The following SNTG1 variants were observed in gnomAD, a reference collection of about 807,000 sequenced individuals.
The protein encoded by SNTG1 is gamma-1-syntrophin.
In SNTG1, 39 loss-of-function variants were observed where a neutral mutation model predicts 74.7. That is an observed-to-expected ratio of 0.52 (90% CI 0.40 to 0.68). The LOEUF (loss-of-function observed/expected upper bound fraction) is 0.68. Ranked by LOEUF, SNTG1 falls within the 30% of genes least tolerant of loss-of-function variation. SNTG1 has a pLI of 0.00. For missense variants in SNTG1, 685 were observed against 609.5 expected (o/e 1.12, Z -1.30); for synonymous variants, 254 against 217.1 (o/e 1.17, Z -1.49).
At chr8:50,132,255 A>G (rs2081341578) in intron 1 of SNTG1, among the ~76,000 whole-genome samples, 2 of 152,160 alleles carry the variant, frequency 1.3e-5, no homozygotes, top group African/African-American at 4.8e-5. Flanking sequence ...TATATTCACC[A>G]TATCCCAACA....
At chr8:50,252,824 C>A (rs755984508) in intron 2 of SNTG1, among the ~76,000 whole-genome samples, 4 of 152,172 alleles carry the variant, frequency 2.6e-5, no homozygotes, top group Non-Finnish European at 4.4e-5. Context: ...TTGACAGTCA[C>A]ATTTCAACAT....
chr8:49,966,411 T>A (rs1452650136), intron 1 of SNTG1, among the ~76,000 whole-genome samples: 1 of 151,970 alleles, frequency 6.6e-6, no homozygotes, highest in African/African-American at 2.4e-5. Flanking sequence ...ATTTTTTTTT[T>A]TTTGACAGAG....
intron 1 of SNTG1, among the ~76,000 whole-genome samples, chr8:50,107,981 G>A (rs916076705): frequency 1.3e-5 from 2 of 152,182 alleles, no homozygotes; most frequent in African/African-American, 4.8e-5. Context: ...TTTGCCGTGA[G>A]CATTTCCCCA....
At chr8:50,559,670 C>A (rs2094475808) in intron 12 of SNTG1, among the ~76,000 whole-genome samples, 1 of 152,088 alleles carries the variant, frequency 6.6e-6, no homozygotes, top group Admixed American at 6.5e-5. Context: ...AACTGGCTAA[C>A]CATTTCTGGA....
intron 13 of SNTG1, among the ~76,000 whole-genome samples, chr8:50,619,680 G>A (rs1172660206): frequency 2.7e-5 from 4 of 148,366 alleles, no homozygotes; most frequent in East Asian, 4.0e-4. Context: ...GCAGTGAGCC[G>A]AGATCGTGCC....
At chr8:50,013,464 G>GAGAGAGAT (rs1816009179) in intron 1 of SNTG1, among the ~76,000 whole-genome samples, 3 of 148,414 alleles carry the variant, frequency 2.0e-5, no homozygotes, top group African/African-American at 7.5e-5. Context: ...TGGGGATAGA[G>GAGAGAGAT]AGATAGATAG....
chr8:50,516,783 T>C (rs1397267848), intron 9 of SNTG1, among the ~76,000 whole-genome samples: 2 of 152,086 alleles, frequency 1.3e-5, no homozygotes, highest in Non-Finnish European at 2.9e-5. Context: ...CTTCAAGAAA[T>C]ATGGGACTAT....
chr8:50,766,510 A>G (rs1466882767), intron 18 of SNTG1, among the ~76,000 whole-genome samples: 1 of 151,968 alleles, frequency 6.6e-6, no homozygotes, highest in Non-Finnish European at 1.5e-5. Context: ...ATGTTTGAGT[A>G]TTTAAGATTT....
intron 2 of SNTG1, among the ~76,000 whole-genome samples, chr8:50,235,418 C>G (rs1389337299): frequency 6.6e-6 from 1 of 152,108 alleles, no homozygotes. Flanking sequence ...ATTAATCATT[C>G]TGTATATATC....
At chr8:50,150,407 C>T (rs1234491033) in intron 1 of SNTG1, among the ~76,000 whole-genome samples, 2 of 152,136 alleles carry the variant, frequency 1.3e-5, no homozygotes, top group Non-Finnish European at 2.9e-5. Context: ...CCTGATTGCC[C>T]TGGCCAGAAC....
intron 15 of SNTG1, among the ~76,000 whole-genome samples, chr8:50,683,825 CATTTGATTTTATAAAG>C (rs529186445): frequency 2.6e-3 from 390 of 152,266 alleles, no homozygotes; most frequent in African/African-American, 8.8e-3. Flanking sequence ...TCATTTGCTT[CATTTGATTTTATAAAG>C]AGAAAGCTGA....
At chr8:50,581,550 G>A (rs2094609897) in intron 12 of SNTG1, among the ~76,000 whole-genome samples, 2 of 151,726 alleles carry the variant, frequency 1.3e-5, no homozygotes, top group Non-Finnish European at 2.9e-5. Flanking sequence ...TGTATGCATG[G>A]TATGAATTCT....
At chr8:49,929,346 G>A (rs1028485188) in intron 1 of SNTG1, among the ~76,000 whole-genome samples, 2 of 152,152 alleles carry the variant, frequency 1.3e-5, no homozygotes, top group African/African-American at 4.8e-5. Flanking sequence ...GCAGCCACTG[G>A]CCTCTTACTC....
chr8:50,721,304 G>A (rs2095487060), intron 17 of SNTG1, among the ~76,000 whole-genome samples: 1 of 152,152 alleles, frequency 6.6e-6, no homozygotes, highest in South Asian at 2.1e-4. Flanking sequence ...TAAAAAGTTA[G>A]GGCAAGCTTT....
At chr8:50,236,941 T>C (rs1206854374) in intron 2 of SNTG1, among the ~76,000 whole-genome samples, 5 of 152,284 alleles carry the variant, frequency 3.3e-5, no homozygotes, top group East Asian at 1.9e-4. Context: ...TCAGTGTGTG[T>C]ATCTAAAAAA....
At chr8:50,558,754 A>G (rs2094470797) in intron 12 of SNTG1, among the ~76,000 whole-genome samples, 1 of 152,124 alleles carries the variant, frequency 6.6e-6, no homozygotes, top group Admixed American at 6.5e-5. Context: ...AATAACTGCT[A>G]TTATACCTTG....
At chr8:50,024,483 A>T (rs1344478782) in intron 1 of SNTG1, among the ~76,000 whole-genome samples, 1 of 152,102 alleles carries the variant, frequency 6.6e-6, no homozygotes, top group East Asian at 1.9e-4. Context: ...GTTGTGTTTC[A>T]TTACTCTCAA....
chr8:50,464,480 G>A (rs1376388879), intron 8 of SNTG1, among the ~76,000 whole-genome samples: 1 of 152,118 alleles, frequency 6.6e-6, no homozygotes, highest in African/African-American at 2.4e-5. Context: ...GGAGTAGGAA[G>A]GCCTGCAGAG....
chr8:50,498,769 C>T (rs568405268), intron 8 of SNTG1, among the ~76,000 whole-genome samples: 6 of 151,924 alleles, frequency 3.9e-5, no homozygotes, highest in East Asian at 3.9e-4. Context: ...ATTAGTATGT[C>T]GTGTAAGGTA....
Sources: allele counts gnomAD v4.1 joint callset (sites outside exome capture counted in the v4.1 genomes callset), GRCh38; gene constraint gnomAD v4.1.1; transcripts MANE v1.5; gene names NCBI Gene and HGNC (gene_info 2026-07-23, HGNC 2026-07-21).